Variants in ZFAT observed in about 807,000 individuals in gnomAD.
The protein encoded by ZFAT is zinc finger protein ZFAT.
A neutral mutation model predicts 117.7 loss-of-function variants in ZFAT; 64 were observed. The observed-to-expected ratio is 0.54, with a 90% CI of 0.44 to 0.67. ZFAT has a LOEUF of 0.67. Ranked by LOEUF, ZFAT falls within the 30% of genes least tolerant of loss-of-function variation. The pLI is 0.00. For missense variants in ZFAT, 1,433 were observed against 1,584.5 expected (o/e 0.90, Z 1.62); for synonymous variants, 679 against 615.0 (o/e 1.10, Z -1.54).
chr8:134,584,086 C>A, intron 9 of ZFAT, 81 bp from the exon 10 acceptor site: 2 of 1,240,564 alleles, frequency 1.6e-6, no homozygotes, highest in Non-Finnish European at 2.2e-6. Flanking sequence ...ATATATATAT[C>A]CATATCTAAA....
intron 3 of ZFAT, among the ~76,000 whole-genome samples, chr8:134,612,762 C>T (rs1374678123): frequency 1.3e-5 from 2 of 152,166 alleles, no homozygotes; most frequent in Non-Finnish European, 2.9e-5. Flanking sequence ...TCAGACAGAA[C>T]TGCATCACTC....
At chr8:134,626,633 G>T (rs1237468266) in intron 3 of ZFAT, among the ~76,000 whole-genome samples, 1 of 152,248 alleles carries the variant, frequency 6.6e-6, no homozygotes, top group Non-Finnish European at 1.5e-5. Context: ...TTCTGGAGGG[G>T]ATGGCTCAGG....
chr8:134,588,241 C>A lies in ZFAT; in HGVS notation c.2713+5G>T. ...GGTGCCCAATTTGGAAAGATGAATA[C>A]TCACCTTCATGAGCCCAAATATGAC... On this transcript the variant is annotated splice_donor_5th_base_variant and intron_variant, in intron 9 of 15. Coordinates refer to ENST00000377838, the MANE Select transcript of ZFAT (RefSeq NM_020863.4). The A allele has an allele frequency of 6.4e-7, 1 of 1,555,608 alleles. No individual in the cohort carries two copies. Among genetic ancestry groups the A allele is most frequent in the Admixed American group, 2.0e-5 (1 of 51,114 alleles).
At chr8:134,581,883 C>A (rs577249065) in intron 10 of ZFAT, among the ~76,000 whole-genome samples, 3 of 152,276 alleles carry the variant, frequency 2.0e-5, no homozygotes, top group South Asian at 2.1e-4. Flanking sequence ...AGCCACTGTG[C>A]CCGACCTGGA....
At chr8:134,770,674 C>A in the ZFAT span, among the ~76,000 whole-genome samples, 1 of 152,232 alleles carries the variant, frequency 6.6e-6, no homozygotes. Context: ...ACTCTGACCG[C>A]CGGTGAGCCA....
the ZFAT span, among the ~76,000 whole-genome samples, chr8:134,817,600 A>G: frequency 6.6e-6 from 1 of 152,214 alleles, no homozygotes; most frequent in East Asian, 1.9e-4. Context: ...CAGAAGACTC[A>G]ATAATTTTAA....
the ZFAT span, chr8:134,783,918 G>A: frequency 6.6e-6 from 1 of 152,186 alleles, no homozygotes; most frequent in African/African-American, 2.4e-5. Context: ...TTTTTATTGG[G>A]TGTTAGTCAC....
At chr8:134,724,676 T>C in the ZFAT span, among the ~76,000 whole-genome samples, 1 of 152,138 alleles carries the variant, frequency 6.6e-6, no homozygotes, top group Non-Finnish European at 1.5e-5. Flanking sequence ...CCAGAACCTC[T>C]TTAGCCTGCC....
At chr8:134,511,255 GGTGT>G (rs551103119) in intron 14 of ZFAT, among the ~76,000 whole-genome samples, 29 of 152,118 alleles carry the variant, frequency 1.9e-4, no homozygotes, top group African/African-American at 7.0e-4. Context: ...GTGTGTGGGG[GGTGT>G]GTGTGTGCTC....
At chr8:134,584,056 A>G (rs1206390483) in intron 9 of ZFAT, 51 bp from the exon 10 acceptor site, 1 of 1,494,586 alleles carries the variant, frequency 6.7e-7, no homozygotes, top group South Asian at 1.3e-5. Context: ...ACGTTTATGC[A>G]TATGTGTGAA....
At chr8:134,675,531 G>A (rs186161296) in intron 1 of ZFAT, among the ~76,000 whole-genome samples, 2 of 152,206 alleles carry the variant, frequency 1.3e-5, no homozygotes, top group Admixed American at 6.5e-5. Context: ...AAAACACTCT[G>A]CAGGATATTA....
the ZFAT span, among the ~76,000 whole-genome samples, chr8:134,746,377 T>C: frequency 1.3e-5 from 2 of 152,250 alleles, no homozygotes; most frequent in Non-Finnish European, 2.9e-5. Flanking sequence ...GTGCTATGTC[T>C]AAAACGTAGA....
intron 1 of ZFAT, among the ~76,000 whole-genome samples, chr8:134,692,907 A>T (rs919119823): frequency 2.4e-4 from 36 of 152,320 alleles, no homozygotes; most frequent in African/African-American, 7.7e-4. Context: ...TGAGATCCAG[A>T]TTTTTCTTTG....
intron 10 of ZFAT, among the ~76,000 whole-genome samples, chr8:134,567,450 A>ACCAACCAT (rs1824548256): frequency 6.9e-6 from 1 of 145,534 alleles, no homozygotes; most frequent in African/African-American, 2.7e-5. Context: ...AACCCTACCA[A>ACCAACCAT]CCATCCATCC....
chr8:134,526,652 C>T (rs1821043374), intron 12 of ZFAT, among the ~76,000 whole-genome samples: 3 of 152,148 alleles, frequency 2.0e-5, no homozygotes, highest in Admixed American at 6.5e-5. Context: ...CTTTGTGGTG[C>T]TTGACGTTAT....
At chr8:134,645,530 A>G (rs1051672509) in intron 2 of ZFAT, among the ~76,000 whole-genome samples, 1 of 152,252 alleles carries the variant, frequency 6.6e-6, no homozygotes, top group African/African-American at 2.4e-5. Flanking sequence ...GAATTTGTCA[A>G]AAGTAAATTA....
the ZFAT span, among the ~76,000 whole-genome samples, chr8:134,810,197 G>A: frequency 1.3e-5 from 2 of 152,036 alleles, no homozygotes; most frequent in East Asian, 1.9e-4. Flanking sequence ...CTATATAAAC[G>A]CAACCTACGT....
rs545103915 is a variant in ZFAT, at chr8:134,636,691, TCAA to T, written c.448+767_448+769del. On this transcript the variant is annotated intron_variant, in intron 3 of 15. Transcript: ENST00000377838. ...AAGGCTTCAAAAATGGTGCAAGGAC[TCAA>T]CAACAACAGAACCCACAGCAGAGGC... Among the ~76,000 whole-genome samples the T allele has an allele frequency of 5.1e-4, 78 of 152,216 alleles. 1 individual carries two copies. The South Asian group carries it at 0.015, about 30-fold the overall frequency.
chr8:134,727,664 G>T, the ZFAT span, among the ~76,000 whole-genome samples: 2 of 152,112 alleles, frequency 1.3e-5, no homozygotes, highest in South Asian at 4.1e-4. Context: ...AGAAACTAAG[G>T]CTATCCATCT....
Sources: gnomAD v4.1 joint callset for allele counts (sites outside exome capture counted in the v4.1 genomes callset) on GRCh38, gnomAD v4.1.1 for gene constraint, MANE v1.5 for transcripts, NCBI Gene and HGNC (gene_info 2026-07-23, HGNC 2026-07-21) for gene names.